SSH2: variants seen among roughly 807,000 people sequenced by gnomAD.
The protein encoded by SSH2 is slingshot protein phosphatase 2.
Under a neutral mutation model 135.2 loss-of-function variants are expected in SSH2, and 37 were observed. The ratio of observed to expected loss-of-function variants is 0.27; its 90% CI spans 0.21 to 0.36. SSH2 has a LOEUF of 0.36. Ranked by LOEUF, SSH2 falls within the 10% of genes least tolerant of loss-of-function variation. The pLI, the probability that SSH2 is intolerant of heterozygous loss-of-function variation, is 1.00. For missense variants in SSH2, 1,408 were observed against 1,765.3 expected (o/e 0.80, Z 3.63); for synonymous variants, 628 against 646.2 (o/e 0.97, Z 0.43).
intron 6 of SSH2, among the ~76,000 whole-genome samples, chr17:29,683,943 G>T (rs141821764): frequency 6.6e-6 from 1 of 152,212 alleles, no homozygotes; most frequent in East Asian, 1.9e-4. Flanking sequence ...GCGAGACGCT[G>T]TCTCAAAAAG....
intron 3 of SSH2, among the ~76,000 whole-genome samples, chr17:29,767,907 A>G (rs1009659172): frequency 1.3e-5 from 2 of 152,214 alleles, no homozygotes; most frequent in African/African-American, 4.8e-5. Context: ...GGATATTGAA[A>G]AAAATATTTG....
At chr17:29,745,742 T>C (rs956901147) in intron 3 of SSH2, among the ~76,000 whole-genome samples, 2 of 152,184 alleles carry the variant, frequency 1.3e-5, no homozygotes, top group Admixed American at 1.3e-4. Flanking sequence ...TTGGCTCATA[T>C]CAAAAGAGCA....
intron 3 of SSH2, among the ~76,000 whole-genome samples, chr17:29,738,516 C>T (rs2040444046): frequency 6.6e-6 from 1 of 151,566 alleles, no homozygotes; most frequent in Non-Finnish European, 1.5e-5. Context: ...CTCCTAACTT[C>T]TCTGAGGCTT....
chr17:29,717,572 T>G (rs888673825), intron 3 of SSH2, among the ~76,000 whole-genome samples: 44 of 152,230 alleles, frequency 2.9e-4, no homozygotes, highest in African/African-American at 8.0e-4. Context: ...TGTTAAGTGC[T>G]ATGGAGAAAA....
At chr17:29,795,918 T>A (rs1238751516) in intron 2 of SSH2, among the ~76,000 whole-genome samples, 1 of 152,138 alleles carries the variant, frequency 6.6e-6, no homozygotes, top group African/African-American at 2.4e-5. Flanking sequence ...ATTTTTGTAT[T>A]TTTTAGTAGA....
At position 29,738,051 on chromosome 17, in the gene SSH2, A is replaced by G. The variant is rs143406065; in HGVS notation, c.189-34989T>C. Among the ~76,000 whole-genome samples, 1,139 of 152,288 alleles carry G rather than the reference A, an allele frequency of 7.5e-3. 11 individuals are homozygous for G. The highest frequency in any genetic ancestry group is 0.022 in the African/African-American group (931 of 41,558). ...CATTAACTTGTCATTTACATTAGGTATATCTCCTAATGCTATCCCTCCACC... is the reference window on the plus strand; with the variant it reads ...CATTAACTTGTCATTTACATTAGGTGTATCTCCTAATGCTATCCCTCCACC... On this transcript the variant is annotated intron_variant, in intron 3 of 15. Coordinates refer to ENST00000540801, the MANE Select transcript of SSH2 (RefSeq NM_001282129.2).
chr17:29,719,529 AAAG>A (rs2039748567), intron 3 of SSH2, among the ~76,000 whole-genome samples: 1 of 151,950 alleles, frequency 6.6e-6, no homozygotes, highest in Non-Finnish European at 1.5e-5. Context: ...GAAAAAAAAA[AAAG>A]AAAAAAAAAA....
intron 14 of SSH2, among the ~76,000 whole-genome samples, chr17:29,644,624 T>C (rs1353701420): frequency 6.6e-6 from 1 of 152,046 alleles, no homozygotes; most frequent in African/African-American, 2.4e-5. Context: ...CTGGCCAACA[T>C]GGTGAAACCC....
At chr17:29,866,194 C>CT (rs2065852792) in intron 1 of SSH2, 1 of 150,510 alleles carries the variant, frequency 6.6e-6, no homozygotes, top group African/African-American at 2.4e-5. Context: ...AATCAATTAA[C>CT]TGAAAACAAG....
intron 2 of SSH2, among the ~76,000 whole-genome samples, chr17:29,846,404 T>G (rs2043134362): frequency 1.3e-5 from 2 of 152,212 alleles, no homozygotes; most frequent in African/African-American, 2.4e-5. Context: ...GGTTGCCCAC[T>G]GGTGATGAGC....
At chr17:29,903,163 G>A (rs2066591632) in intron 1 of SSH2, among the ~76,000 whole-genome samples, 1 of 151,074 alleles carries the variant, frequency 6.6e-6, no homozygotes, top group Non-Finnish European at 1.5e-5. Context: ...TCCAGCCTGG[G>A]CAAAGAGCAA....
chr17:29,648,100 G>C, intron 14 of SSH2, 44 bp downstream of exon 14: 1 of 1,574,772 alleles, frequency 6.4e-7, no homozygotes, highest in Non-Finnish European at 8.7e-7. Context: ...TCTTGCTTTA[G>C]GGAACTTAAA....
At chr17:29,909,667 C>A (rs1199524701) in intron 1 of SSH2, among the ~76,000 whole-genome samples, 1 of 152,040 alleles carries the variant, frequency 6.6e-6, no homozygotes, top group African/African-American at 2.4e-5. Flanking sequence ...TTAGGAATTC[C>A]CAAATATAAG....
chr17:29,832,009 A>G (rs758874099), intron 2 of SSH2, among the ~76,000 whole-genome samples: 9 of 152,178 alleles, frequency 5.9e-5, no homozygotes, highest in Admixed American at 2.0e-4. Context: ...TTGGCAAGGA[A>G]TGGACTATTC....
At chr17:29,753,771 C>A (rs1279040543) in intron 3 of SSH2, among the ~76,000 whole-genome samples, 1 of 134,484 alleles carries the variant, frequency 7.4e-6, no homozygotes, top group Non-Finnish European at 1.5e-5. Context: ...CCAGCCTGGG[C>A]GATAGAGTGA....
chr17:29,713,123 C>T (rs528359441), intron 3 of SSH2, among the ~76,000 whole-genome samples: 117 of 152,322 alleles, frequency 7.7e-4, no homozygotes, highest in African/African-American at 2.5e-3. Flanking sequence ...ATCACGACAT[C>T]AGGAGTTCGA....
chr17:29,773,059 A>G (rs1312581461), intron 3 of SSH2, among the ~76,000 whole-genome samples: 5 of 141,372 alleles, frequency 3.5e-5, no homozygotes, highest in African/African-American at 1.1e-4. Flanking sequence ...CCATCCATCC[A>G]TCATCCACCC....
intron 1 of SSH2, chr17:29,928,586 T>G: frequency 2.5e-6 from 1 of 398,564 alleles, no homozygotes; most frequent in Non-Finnish European, 4.4e-6. Context: ...TTCTGCTCTC[T>G]GAAACAACAC....
chr17:29,631,983 C>G lies in SSH2; in HGVS notation c.3211G>C (p.Val1071Leu), dbSNP rs761674198. ...EKSGEQGLRK[V>L]NMEKSVTVLC... ...ACAGTGACAGATTTTTCCATGTTCA[C>G]TTTCCTCAGCCCTTGCTCTCCGCTC... Residue 1071 changes from valine (V) to leucine (L), a missense_variant, in exon 16 of 16, where the codon GTG becomes CTG. Coordinates refer to ENST00000540801, the MANE Select transcript of SSH2 (RefSeq NM_001282129.2). The G allele has an allele frequency of 6.2e-7, 1 of 1,614,188 alleles. No homozygotes were observed. Among genetic ancestry groups the G allele is most frequent in the East Asian group, 2.2e-5 (1 of 44,890 alleles).
Sources: allele counts gnomAD v4.1 joint callset (sites outside exome capture counted in the v4.1 genomes callset), GRCh38; gene constraint gnomAD v4.1.1; transcripts MANE v1.5; gene names NCBI Gene and HGNC (gene_info 2026-07-23, HGNC 2026-07-21).